STK33: variants seen among roughly 807,000 people sequenced by gnomAD.
STK33 encodes the protein serine/threonine-protein kinase 33.
In STK33, 52 loss-of-function variants were observed where a neutral mutation model predicts 58.0. That is an observed-to-expected ratio of 0.90 (90% CI 0.72 to 1.13). STK33 has a LOEUF of 1.13. STK33 is among the 50% of genes most tolerant of loss of function. The probability of loss-of-function intolerance (pLI) is 0.00; values close to 1 mark genes in which losing one functional copy is unlikely to be tolerated. For synonymous variants in STK33, 215 were observed against 200.1 expected, an observed-to-expected ratio of 1.07 and a Z score of -0.63; for missense variants, 630 against 604.2, an observed-to-expected ratio of 1.04 and a Z score of -0.45.
intron 14 of STK33, among the ~76,000 whole-genome samples, chr11:8,427,397 T>C (rs530215844): frequency 6.6e-6 from 1 of 152,126 alleles, no homozygotes; most frequent in African/African-American, 2.4e-5. Context: ...TTTTAGAATT[T>C]TTCTTATTGA....
rs551779272 is a variant in STK33, at chr11:8,524,417, G to A, written c.-465-43803C>T. On this transcript the variant is annotated intron_variant, in intron 1 of 15. Coordinates refer to ENST00000687296, the MANE Select transcript of STK33 (RefSeq NM_001352389.2). ...TAAATTATATAAGGAACTCTAACAA[G>A]TCAGTAGAAAAAATAAAATAATCTG... Among the ~76,000 whole-genome samples, 3 of 152,166 alleles carry A rather than the reference G, an allele frequency of 2.0e-5. No individual in the cohort carries two copies. In the South Asian group the frequency reaches 6.2e-4, roughly 32 times the overall value.
chr11:8,592,201 G>A (rs554897831), intron 1 of STK33, among the ~76,000 whole-genome samples: 113 of 152,166 alleles, frequency 7.4e-4, no homozygotes, highest in African/African-American at 2.7e-3. Flanking sequence ...GTAACAACTC[G>A]CCCCAGGCTC....
At chr11:8,515,368 A>G (rs1952684019) in intron 1 of STK33, among the ~76,000 whole-genome samples, 1 of 152,204 alleles carries the variant, frequency 6.6e-6, no homozygotes, top group Admixed American at 6.5e-5. Context: ...TTCAAGAAAC[A>G]GAAAGTCTAA....
intron 1 of STK33, among the ~76,000 whole-genome samples, chr11:8,546,230 C>T (rs889829091): frequency 1.3e-5 from 2 of 152,262 alleles, no homozygotes; most frequent in South Asian, 4.1e-4. Flanking sequence ...TGTGCAAATA[C>T]TTGTACACTT....
intron 1 of STK33, among the ~76,000 whole-genome samples, chr11:8,542,261 T>C (rs539421057): frequency 1.3e-5 from 2 of 152,346 alleles, no homozygotes; most frequent in East Asian, 1.9e-4. Context: ...TAGTTCCACA[T>C]GTCATTACGA....
chr11:8,563,555 A>G (rs1957252796), intron 1 of STK33, among the ~76,000 whole-genome samples: 1 of 152,186 alleles, frequency 6.6e-6, no homozygotes, highest in Admixed American at 6.5e-5. Context: ...GTGCAGGACC[A>G]TTCTTCAATA....
At chr11:8,568,036 C>T (rs926656769) in intron 1 of STK33, among the ~76,000 whole-genome samples, 6 of 152,150 alleles carry the variant, frequency 3.9e-5, no homozygotes, top group African/African-American at 1.4e-4. Flanking sequence ...CAATTATTTT[C>T]AGCTTACAGG....
intron 15 of STK33, among the ~76,000 whole-genome samples, chr11:8,410,523 A>T (rs1436521183): frequency 7.9e-6 from 1 of 125,984 alleles, no homozygotes; most frequent in Non-Finnish European, 1.6e-5. Context: ...CCCAGGCTGG[A>T]GTGCAGTGGC....
At chr11:8,493,475 T>C (rs1345936729) in intron 1 of STK33, among the ~76,000 whole-genome samples, 1 of 151,938 alleles carries the variant, frequency 6.6e-6, no homozygotes, top group Non-Finnish European at 1.5e-5. Context: ...AACCAAAAAA[T>C]GTCCAGGACC....
chr11:8,389,481 T>C (rs908828333), downstream of STK33, among the ~76,000 whole-genome samples: 5 of 152,184 alleles, frequency 3.3e-5, no homozygotes, highest in Non-Finnish European at 5.9e-5. Flanking sequence ...ATAGAAAATA[T>C]CCAGCCCAGG....
intron 14 of STK33, among the ~76,000 whole-genome samples, chr11:8,424,090 A>G (rs1410557586): frequency 1.3e-5 from 2 of 151,618 alleles, no homozygotes; most frequent in Non-Finnish European, 2.9e-5. Flanking sequence ...TGCACCCATT[A>G]ACTCATCATT....
intron 1 of STK33, among the ~76,000 whole-genome samples, chr11:8,529,827 A>G (rs1954372872): frequency 6.6e-6 from 1 of 152,200 alleles, no homozygotes; most frequent in Admixed American, 6.5e-5. Flanking sequence ...AGGCATGCTG[A>G]CACCTTCATT....
chr11:8,570,186 A>G (rs1957711513), intron 1 of STK33, among the ~76,000 whole-genome samples: 1 of 152,206 alleles, frequency 6.6e-6, no homozygotes, highest in South Asian at 2.1e-4. Context: ...TAATCATTAG[A>G]TAAATGTAAG....
the STK33 span, among the ~76,000 whole-genome samples, chr11:8,380,608 C>A: frequency 4.0e-5 from 6 of 149,634 alleles, no homozygotes; most frequent in Admixed American, 6.7e-5. Flanking sequence ...AAAAAGTGGG[C>A]ATGTGGTGAA....
intron 15 of STK33, among the ~76,000 whole-genome samples, chr11:8,399,553 A>G (rs1223670724): frequency 6.6e-6 from 1 of 152,208 alleles, no homozygotes. Context: ...TCACAATTAA[A>G]AGAACTAGAG....
At chr11:8,516,714 C>T (rs984397158) in intron 1 of STK33, among the ~76,000 whole-genome samples, 3 of 152,208 alleles carry the variant, frequency 2.0e-5, no homozygotes, top group Non-Finnish European at 2.9e-5. Flanking sequence ...GGGTCTCACA[C>T]CCACGAAGCC....
the STK33 span, among the ~76,000 whole-genome samples, chr11:8,353,098 G>A: frequency 2.6e-5 from 4 of 152,200 alleles, no homozygotes; most frequent in Non-Finnish European, 4.4e-5. Flanking sequence ...ACATCCAGGT[G>A]GGCCTGGAGG....
chr11:8,347,319 G>C, the STK33 span, among the ~76,000 whole-genome samples: 2 of 152,206 alleles, frequency 1.3e-5, no homozygotes, highest in African/African-American at 2.4e-5. Flanking sequence ...TGCCCACTTA[G>C]GTGCTGAGTC....
At chr11:8,466,968 G>T in intron 6 of STK33, 1 of 152,396 alleles carries the variant, frequency 6.6e-6, no homozygotes, top group Non-Finnish European at 1.5e-5. Flanking sequence ...CTCTATGTTG[G>T]GCCCTTTCAG....
Sources: gnomAD v4.1 joint callset for allele counts (sites outside exome capture counted in the v4.1 genomes callset) on GRCh38, gnomAD v4.1.1 for gene constraint, MANE v1.5 for transcripts, NCBI Gene and HGNC (gene_info 2026-07-23, HGNC 2026-07-21) for gene names.